Variants in TPRA1 observed in about 807,000 individuals in gnomAD.
TPRA1 encodes transmembrane protein adipocyte associated 1.
In TPRA1, 28 loss-of-function variants were observed where a neutral mutation model predicts 40.1. The observed-to-expected ratio is 0.70, with a 90% CI of 0.52 to 0.96. The LOEUF is 0.96. Among genes scored for constraint, TPRA1 ranks in the 40% least tolerant of loss-of-function variants. The probability of loss-of-function intolerance (pLI) is 0.00; values close to 1 mark genes in which losing one functional copy is unlikely to be tolerated. For missense variants in TPRA1, 441 were observed against 482.6 expected (o/e 0.91, Z 0.81); for synonymous variants, 219 against 209.7 (o/e 1.04, Z -0.38).
rs746973970 is a variant in TPRA1 at position 127,573,709 on chromosome 3, AGG to A, written c.932_933del (p.Pro311LeufsTer38). ...TEEPDVHLPQ[P>X]YAVARREGLE... ...AGGCCCTCCCGCCGGGCCACAGCGT[AGG>A]GCTGGGGTAGGTGTACATCTGGCTC... On this transcript the variant is annotated frameshift_variant, in exon 11 of 11. Transcript: ENST00000355552. LOFTEE classifies it high-confidence loss of function. 27 of 1,613,016 alleles carry A rather than the reference AGG, an allele frequency of 1.7e-5. No individual in the cohort carries two copies. The East Asian group carries it at 6.0e-4, about 36-fold the overall frequency.
At position 127,580,286 on chromosome 3, in the gene TPRA1, C is replaced by G. The variant is rs891758219; in HGVS notation, c.-17-123G>C. On this transcript the variant is annotated intron_variant, in intron 1 of 10. Transcript: ENST00000355552. ...ACAGAGCACCCCTGTAAACCACCCT[C>G]CCCACCCACTGCAGCTCAGTGTGGG... 2.0e-5 allele frequency: 22 copies of G among 1,120,808 alleles called. No homozygotes were observed. In the Admixed American group the frequency reaches 2.1e-4, roughly 11 times the overall value. The allele number at this position is 1,120,808 out of a possible 1,614,324, so 69.4% of individuals were successfully genotyped here.
intron 1 of TPRA1, among the ~76,000 whole-genome samples, chr3:127,584,817 CT>C (rs1382483974): frequency 6.6e-6 from 1 of 152,140 alleles, no homozygotes; most frequent in Non-Finnish European, 1.5e-5. Flanking sequence ...CCTGACTTGT[CT>C]TTAAAAAGAA....
rs2073875673 is a variant in TPRA1, at chr3:127,582,852, A to G, written c.-17-2689T>C. 8.0e-5 allele frequency among the ~76,000 whole-genome samples: 12 copies of G among 150,038 alleles called. No individual in the cohort carries two copies. In the South Asian group the frequency reaches 2.5e-3, roughly 32 times the overall value. On this transcript the variant is annotated intron_variant, in intron 1 of 10. Coordinates refer to ENST00000355552, the MANE Select transcript of TPRA1 (RefSeq NM_001136053.4). ...CCCGCCTCTACTAAAAAAAAAAAAT[A>G]CAAAATTAGGGCCAGGCACGGTGGC... is the stretch of plus-strand genomic sequence containing the variant.
rs745541229 is a variant in TPRA1 at position 127,575,735 on chromosome 3, G to GC, written c.670+13_670+14insG. On this transcript the variant is annotated intron_variant, in intron 8 of 10. Coordinates refer to ENST00000355552, the MANE Select transcript of TPRA1 (RefSeq NM_001136053.4). Reference sequence around the variant, plus strand: ...CATCCCCGCCTGTCCCAGAGCCGCCGGCCAGCTGCTCACAAGGCAGGGAGA... The same window carrying GC: ...CATCCCCGCCTGTCCCAGAGCCGCCGCGCCAGCTGCTCACAAGGCAGGGAGA... 2.5e-6 allele frequency: 4 copies of GC among 1,613,062 alleles called. No homozygotes were observed. In the African/African-American group the frequency reaches 5.3e-5, roughly 22 times the overall value.
rs769510816 is a variant in TPRA1 at position 127,575,920 on chromosome 3, T to A, written c.609+20A>T. On this transcript the variant is annotated intron_variant, in intron 7 of 10. Coordinates refer to ENST00000355552, the MANE Select transcript of TPRA1 (RefSeq NM_001136053.4). ...GCCCTAAGGCCCCAGCCACCCCAGC[T>A]GCCCCAGCCTGAACCTCACCAGGAA... The A allele has an allele frequency of 6.2e-7, 1 of 1,613,298 alleles. No homozygotes were observed. The highest frequency in any genetic ancestry group is 2.2e-5 in the East Asian group (1 of 44,860).
chr3:127,574,323 T>A (rs149183711), intron 10 of TPRA1, among the ~76,000 whole-genome samples: 1 of 152,296 alleles, frequency 6.6e-6, no homozygotes, highest in African/African-American at 2.4e-5. Flanking sequence ...TCTCCCAGCT[T>A]CACCCAGGTG....
chr3:127,597,015 C>T (rs1430407109), intron 1 of TPRA1, among the ~76,000 whole-genome samples: 1 of 152,006 alleles, frequency 6.6e-6, no homozygotes, highest in African/African-American at 2.4e-5. Context: ...ACTCGGGAGG[C>T]TAAGGCACGA....
rs1306497811 is a variant in TPRA1, at chr3:127,572,374, T to A, written c.*1147A>T. On this transcript the variant is annotated 3_prime_UTR_variant, in exon 11 of 11. Coordinates refer to ENST00000355552, the MANE Select transcript of TPRA1 (RefSeq NM_001136053.4). ...CTCCTCTCCAACTCTGGGGATTACA[T>A]AACTGGCAGCAACTCCCTTTCACTC... 6.6e-6 allele frequency among the ~76,000 whole-genome samples: 1 copy of A among 152,238 alleles called. No individual in the cohort carries two copies. The highest frequency in any genetic ancestry group is 1.5e-5 in the Non-Finnish European group (1 of 68,034).
chr3:127,576,866 G>C lies in TPRA1; in HGVS notation c.373C>G (p.Leu125Val). Reference protein sequence around the residue: ...KILWEITRFFLLAIELSVIIL... With the variant: ...KILWEITRFFVLAIELSVIIL... ...ATCACACTCAGCTCGATGGCCAGCAGGAAGAAGCGGGTGATCTCCCACAGG... is the reference window on the plus strand; with the variant it reads ...ATCACACTCAGCTCGATGGCCAGCACGAAGAAGCGGGTGATCTCCCACAGG... The change falls in exon 5 of 11, where the codon CTG becomes GTG. Residue 125 changes from leucine to valine, a missense_variant. By Grantham distance (32) the Leu-to-Val change is conservative. Transcript: ENST00000355552. The surrounding 1 kb of genome is among the most constrained non-coding windows in gnomAD (Gnocchi z 4.6). 6.2e-7 allele frequency: 1 copy of C among 1,613,826 alleles called. No individual in the cohort carries two copies. Among genetic ancestry groups the C allele is most frequent in the Non-Finnish European group, 8.5e-7 (1 of 1,180,010 alleles).
chr3:127,593,469 G>A (rs1330700950), upstream of TPRA1, among the ~76,000 whole-genome samples: 1 of 152,174 alleles, frequency 6.6e-6, no homozygotes, highest in Non-Finnish European at 1.5e-5. Context: ...GACATCCTGT[G>A]TAGTAAACAA....
chr3:127,582,626 C>T (rs191036999), intron 1 of TPRA1, among the ~76,000 whole-genome samples: 3 of 147,200 alleles, frequency 2.0e-5, no homozygotes, highest in South Asian at 2.2e-4. Flanking sequence ...GGCTTGAACC[C>T]GGGAGGTGGA....
chr3:127,585,837 T>C (rs949364705), intron 1 of TPRA1, among the ~76,000 whole-genome samples: 6 of 152,170 alleles, frequency 3.9e-5, no homozygotes, highest in Non-Finnish European at 7.3e-5. Flanking sequence ...GAGTCTCCAT[T>C]AATTTCAGCC....
Position 127,579,915 on chromosome 3 carries a change from T to C in TPRA1, c.126-43A>G, listed in dbSNP as rs761327556. 6.8e-6 allele frequency: 11 copies of C among 1,610,528 alleles called. No homozygotes were observed. The South Asian group carries it at 1.1e-4, about 16-fold the overall frequency. ...GAGCTGGCTCACTGGCGAGGCCACA[T>C]ATGCACCCCCTCTCCAAGACACAAT... On this transcript the variant is annotated intron_variant, in intron 2 of 10. Coordinates refer to ENST00000355552, the MANE Select transcript of TPRA1 (RefSeq NM_001136053.4).
intron 1 of TPRA1, among the ~76,000 whole-genome samples, chr3:127,589,684 G>A (rs114865159): frequency 0.013 from 2,016 of 152,182 alleles, 36 homozygotes; most frequent in African/African-American, 0.042. Context: ...GCTCTCTCCT[G>A]ACACCTCCTC....
At position 127,577,216 on chromosome 3, in the gene TPRA1, A is replaced by C. The variant is rs199686001; in HGVS notation, c.259-140T>G. ...GGAAGGCGCAAAGTCAGGGTGGGAC[A>C]CAGGGAGGTGGGGATCACTCCAGGA... On this transcript the variant is annotated intron_variant, in intron 3 of 10. Transcript: ENST00000355552. The C allele has an allele frequency of 8.1e-5, 65 of 797,664 alleles. No homozygotes were observed. The East Asian group carries it at 1.7e-3, about 21-fold the overall frequency. The allele number at this position is 797,664 out of a possible 1,614,324, so 49.4% of individuals were successfully genotyped here. A position where few individuals can be genotyped will look rare whatever the true frequency, so the allele number is the denominator to read the frequency against.
At chr3:127,589,631 G>A (rs973231842) in intron 1 of TPRA1, among the ~76,000 whole-genome samples, 1 of 152,096 alleles carries the variant, frequency 6.6e-6, no homozygotes, top group Non-Finnish European at 1.5e-5. Context: ...TCCACCTGCT[G>A]AGCTGGTCCG....
At chr3:127,581,052 G>A (rs1366537381) in intron 1 of TPRA1, among the ~76,000 whole-genome samples, 1 of 152,220 alleles carries the variant, frequency 6.6e-6, no homozygotes, top group Non-Finnish European at 1.5e-5. Context: ...CTGGGGTTAG[G>A]GGACTGAGGG....
At chr3:127,589,785 C>A (rs968013048) in intron 1 of TPRA1, among the ~76,000 whole-genome samples, 2 of 152,282 alleles carry the variant, frequency 1.3e-5, no homozygotes, top group East Asian at 3.9e-4. Context: ...AGGACTCGGT[C>A]CCCTAGAACA....
intron 1 of TPRA1, chr3:127,580,474 G>C (rs1284569737): frequency 1.0e-5 from 3 of 299,882 alleles, no homozygotes; most frequent in Non-Finnish European, 1.9e-5. Flanking sequence ...GAGGGCCCAT[G>C]AGAGCAGCGT....
Sources: gnomAD v4.1 joint callset for allele counts (sites outside exome capture counted in the v4.1 genomes callset) on GRCh38, gnomAD v4.1.1 for gene constraint, Gnocchi (gnomAD v3.1) non-coding constraint, MANE v1.5 for transcripts, NCBI Gene and HGNC (gene_info 2026-07-23, HGNC 2026-07-21) for gene names.